The following LAMA5 variants were observed in gnomAD, a reference collection of about 807,000 sequenced individuals.
LAMA5 encodes laminin subunit alpha-5.
Under a neutral mutation model 433.4 loss-of-function variants are expected in LAMA5, and 260 were observed. The ratio of observed to expected loss-of-function variants is 0.60; its 90% CI spans 0.54 to 0.66. The LOEUF (loss-of-function observed/expected upper bound fraction) is 0.66, where lower values mean the gene tolerates loss of function less well. LAMA5 is among the 30% of genes least tolerant of loss of function. The pLI is 0.00. For missense variants in LAMA5, 5,378 were observed against 5,258.5 expected, an observed-to-expected ratio of 1.02 and a Z score of -0.70; for synonymous variants, 2,620 against 2,226.6, an observed-to-expected ratio of 1.18 and a Z score of -4.97.
intron 1 of LAMA5, 30 bp from the exon 2 acceptor site, chr20:62,362,582 C>G (rs748830304): frequency 1.4e-6 from 2 of 1,474,318 alleles, no homozygotes; most frequent in Non-Finnish European, 1.8e-6. Context: ...GTCAGATAGC[C>G]GAGAAGGGCC....
chr20:62,351,151 C>T (rs1984226043), intron 6 of LAMA5: 1 of 168,878 alleles, frequency 5.9e-6, no homozygotes, highest in African/African-American at 2.4e-5. Flanking sequence ...TTGGCTGCCC[C>T]CACCCTGCCA....
chr20:62,354,363 C>A (rs1325984651), intron 2 of LAMA5, among the ~76,000 whole-genome samples: 1 of 144,100 alleles, frequency 6.9e-6, no homozygotes, highest in Non-Finnish European at 1.5e-5. Flanking sequence ...CCCTACCCAT[C>A]CCCTGACACC....
chr20:62,344,597 C>T (rs372698629), intron 11 of LAMA5, among the ~76,000 whole-genome samples: 31 of 151,916 alleles, frequency 2.0e-4, no homozygotes, highest in Non-Finnish European at 3.7e-4. Flanking sequence ...TACAGGCACG[C>T]ACCACCACGC....
At position 62,346,809 on chromosome 20, in the gene LAMA5, A is replaced by C; in HGVS notation, c.1073-9T>G. ...GCCGTAGCAGTTACAGGCTAGAGAG[A>C]GGGGAGCGCAGCTGTTGGCACGCCC... On this transcript the variant is annotated splice_polypyrimidine_tract_variant and intron_variant, in intron 7 of 79. Transcript: ENST00000252999. 1 of 1,610,474 alleles carries C rather than the reference A, an allele frequency of 6.2e-7. No individual in the cohort carries two copies. The highest frequency in any genetic ancestry group is 8.5e-7 in the Non-Finnish European group (1 of 1,178,326).
intron 11 of LAMA5, among the ~76,000 whole-genome samples, chr20:62,339,546 G>A (rs557920828): frequency 1.3e-5 from 2 of 152,268 alleles, no homozygotes; most frequent in East Asian, 1.9e-4. Flanking sequence ...GTCAGGTGTT[G>A]GGAAGAAGGT....
chr20:62,337,031 G>A (rs140081275), intron 16 of LAMA5: 38 of 668,864 alleles, frequency 5.7e-5, no homozygotes, highest in African/African-American at 2.3e-4. Context: ...TGGGGTACCC[G>A]TGTACATTCC....
intron 11 of LAMA5, among the ~76,000 whole-genome samples, chr20:62,338,809 C>T (rs1301659462): frequency 6.6e-6 from 1 of 152,138 alleles, no homozygotes; most frequent in Non-Finnish European, 1.5e-5. Context: ...GAGGCCGAGG[C>T]GGGCAGATCA....
At chr20:62,362,642 T>C (rs1411396235) in intron 1 of LAMA5, 90 bp from the exon 2 acceptor site, 3 of 1,203,334 alleles carry the variant, frequency 2.5e-6, no homozygotes, top group African/African-American at 3.1e-5. Flanking sequence ...AGACAAGTCC[T>C]GGTCCCACTG....
intron 33 of LAMA5, 39 bp from the exon 34 acceptor site, chr20:62,329,094 C>T (rs765620507): frequency 6.2e-7 from 1 of 1,612,154 alleles, no homozygotes; most frequent in Non-Finnish European, 8.5e-7. Flanking sequence ...GCTCCCGGCC[C>T]AGACCCCCAC....
intron 1 of LAMA5, among the ~76,000 whole-genome samples, chr20:62,362,873 G>A (rs1274008453): frequency 6.6e-6 from 1 of 151,922 alleles, no homozygotes; most frequent in African/African-American, 2.4e-5. Flanking sequence ...CGTGGTAAGG[G>A]GGGGGGTGTG....
Position 62,324,657 on chromosome 20 carries a change from C to T in LAMA5, c.5530-103G>A, listed in dbSNP as rs1978945442. The T allele has an allele frequency of 1.3e-6, 1 of 742,014 alleles. No individual in the cohort carries two copies. The highest frequency in any genetic ancestry group is 1.7e-5 in the African/African-American group (1 of 57,748). The allele number at this position is 742,014 out of a possible 1,614,324, so 46.0% of individuals were successfully genotyped here. On this transcript the variant is annotated intron_variant, in intron 41 of 79. Transcript: ENST00000252999. This position sits in a 1 kb window ranked among gnomAD's most constrained non-coding sequence, Gnocchi z 4.4. ...CCTCAGGGATCCTGCAGGCACGAGG[C>T]ACTGGGAACCCGTGGAGCATGGTCA...
At chr20:62,366,759 G>A (rs1460241592) in intron 1 of LAMA5, among the ~76,000 whole-genome samples, 190 bp downstream of exon 1, 7 of 152,212 alleles carry the variant, frequency 4.6e-5, no homozygotes, top group East Asian at 3.9e-4. Context: ...CCGCCTTCCC[G>A]GAGGGACGCG....
chr20:62,319,084 C>A (rs949010496), intron 51 of LAMA5, 71 bp from the exon 52 acceptor site: 27 of 1,410,780 alleles, frequency 1.9e-5, no homozygotes, highest in Non-Finnish European at 2.1e-5. Context: ...GGCTTCCAAG[C>A]CCAAGACCCC....
In LAMA5 at chr20:62,346,227, C is replaced by T; in HGVS notation, c.1283-12G>A. The stretch of plus-strand genomic sequence containing the variant: ...CTCGCAGTTGCAGCCTGGGCAGGGG[C>T]AGGAGCCGGGTAAGCCTGGAGCTAC... On this transcript the variant is annotated splice_polypyrimidine_tract_variant and intron_variant, in intron 9 of 79. Coordinates refer to ENST00000252999, the MANE Select transcript of LAMA5 (RefSeq NM_005560.6). 6.2e-7 allele frequency: 1 copy of T among 1,608,556 alleles called. No individual in the cohort carries two copies. The highest frequency in any genetic ancestry group is 8.5e-7 in the Non-Finnish European group (1 of 1,178,148).
chr20:62,336,581 G>C (rs1981670306), intron 17 of LAMA5, 136 bp from the exon 18 acceptor site: 1 of 1,130,142 alleles, frequency 8.8e-7, no homozygotes, highest in African/African-American at 1.5e-5. Flanking sequence ...CACCTGCAGT[G>C]GGGGCAGAGG....
In LAMA5 at chr20:62,323,770, G is replaced by C; in HGVS notation, c.5849+6C>G. 6.2e-7 allele frequency: 1 copy of C among 1,608,668 alleles called. No homozygotes were observed. Among genetic ancestry groups the C allele is most frequent in the Non-Finnish European group, 8.5e-7 (1 of 1,177,738 alleles). On this transcript the variant is annotated splice_donor_region_variant and intron_variant, in intron 44 of 79. Coordinates refer to ENST00000252999, the MANE Select transcript of LAMA5 (RefSeq NM_005560.6). ...GCCCTGCCCCACTGCCCTAGCCCCA[G>C]CTCACCGCTCGCAGGAGGCACCTGC...
rs1483541392 is a variant in LAMA5, at chr20:62,320,903, T to TG, written c.6497-14dup. 6.2e-7 allele frequency: 1 copy of TG among 1,601,774 alleles called. No individual in the cohort carries two copies. The highest frequency in any genetic ancestry group is 8.5e-7 in the Non-Finnish European group (1 of 1,173,304). The stretch of plus-strand genomic sequence containing the variant: ...CAGTGGTCACACACTGCAGGCGATG[T>TG]GGGGTCACAGGTCAGTGTCATTGGG... On this transcript the variant is annotated splice_polypyrimidine_tract_variant and intron_variant, in intron 48 of 79. Transcript: ENST00000252999.
chr20:62,343,774 C>CAGAAAAAAAAA (rs1982947929), intron 11 of LAMA5, among the ~76,000 whole-genome samples: 2 of 61,368 alleles, frequency 3.3e-5, no homozygotes, highest in Non-Finnish European at 6.5e-5. Flanking sequence ...GAAACTCCAT[C>CAGAAAAAAAAA]AAAAAAAAAA....
At chr20:62,323,086 C>T (rs1414582034) in intron 45 of LAMA5, among the ~76,000 whole-genome samples, 30 of 74,116 alleles carry the variant, frequency 4.0e-4, no homozygotes, top group Admixed American at 1.9e-3. Context: ...GTGGGGGGGG[C>T]GCTGGTCATG....
Sources: allele counts gnomAD v4.1 joint callset (sites outside exome capture counted in the v4.1 genomes callset), GRCh38; gene constraint gnomAD v4.1.1; non-coding constraint Gnocchi (gnomAD v3.1); transcripts MANE v1.5; gene names NCBI Gene and HGNC (gene_info 2026-07-23, HGNC 2026-07-21).